CNIH3: variants seen among roughly 807,000 people sequenced by gnomAD.
CNIH3 encodes cornichon family AMPA receptor auxiliary protein 3, also known as protein cornichon homolog 3.
In CNIH3, 14 loss-of-function variants were observed where a neutral mutation model predicts 24.1. The ratio of observed to expected loss-of-function variants is 0.58; its 90% CI spans 0.38 to 0.91. The LOEUF is 0.91. CNIH3 is among the 40% of genes least tolerant of loss of function. The pLI, the probability that CNIH3 is intolerant of heterozygous loss-of-function variation, is 0.00. For missense variants in CNIH3, 178 were observed against 196.8 expected, an observed-to-expected ratio of 0.90 and a Z score of 0.57; for synonymous variants, 68 against 73.8, an observed-to-expected ratio of 0.92 and a Z score of 0.40.
intron 3 of CNIH3, among the ~76,000 whole-genome samples, chr1:224,709,093 A>G (rs992133569): frequency 1.3e-5 from 2 of 152,084 alleles, no homozygotes; most frequent in Non-Finnish European, 2.9e-5. Context: ...CGTGACCACC[A>G]CGCGCGTCTG....
intron 3 of CNIH3, chr1:224,546,978 C>T: frequency 2.3e-6 from 2 of 880,568 alleles, no homozygotes; most frequent in South Asian, 5.3e-5. Context: ...TGAATTAGGA[C>T]TTTTGAAGTA....
At chr1:224,489,842 T>C (rs932110370) in intron 1 of CNIH3, among the ~76,000 whole-genome samples, 2 of 152,214 alleles carry the variant, frequency 1.3e-5, no homozygotes, top group Admixed American at 6.5e-5. Context: ...TTGTAGATGG[T>C]GTCTTCTTGC....
chr1:224,727,390 T>C (rs1000641196), intron 3 of CNIH3, among the ~76,000 whole-genome samples: 1 of 152,222 alleles, frequency 6.6e-6, no homozygotes, highest in Non-Finnish European at 1.5e-5. Flanking sequence ...CTTTCCTTAC[T>C]TGTGGCTTCA....
intron 3 of CNIH3, among the ~76,000 whole-genome samples, chr1:224,707,863 T>C (rs1274439900): frequency 1.3e-4 from 20 of 152,140 alleles, no homozygotes; most frequent in Admixed American, 1.3e-3. Context: ...CCTGCCCTCA[T>C]TGTTATCTTG....
intron 1 of CNIH3, among the ~76,000 whole-genome samples, chr1:224,468,940 T>C (rs1676257047): frequency 6.6e-6 from 1 of 152,140 alleles, no homozygotes; most frequent in Non-Finnish European, 1.5e-5. Flanking sequence ...AGTTTTTTGG[T>C]AGATGCTCTC....
chr1:224,519,928 A>G (rs972870300), intron 1 of CNIH3, among the ~76,000 whole-genome samples: 5 of 152,170 alleles, frequency 3.3e-5, no homozygotes, highest in Non-Finnish European at 1.5e-5. Context: ...CAATGTGGAT[A>G]GTGACTACTC....
Position 224,623,255 on chromosome 1 carries a change from A to G in CNIH3, c.81+6000A>G, listed in dbSNP as rs781205511. 3.8e-4 allele frequency among the ~76,000 whole-genome samples: 57 copies of G among 151,994 alleles called. 1 individual carries two copies. The highest frequency in any genetic ancestry group is 8.8e-5 in the Non-Finnish European group (6 of 67,984). On this transcript the variant is annotated intron_variant, in intron 1 of 5. Coordinates refer to ENST00000272133, the MANE Select transcript of CNIH3 (RefSeq NM_152495.2). ...TCTTCTCTCAATGCATCGCTCCTCT[A>G]GGATTTACTTCCTCCTCTGTGTCAT...
At chr1:224,658,110 C>T (rs1316987990) in intron 1 of CNIH3, among the ~76,000 whole-genome samples, 1 of 152,116 alleles carries the variant, frequency 6.6e-6, no homozygotes, top group Non-Finnish European at 1.5e-5. Context: ...TCTTGGAATT[C>T]AAGGGACCCT....
downstream of CNIH3, among the ~76,000 whole-genome samples, chr1:224,592,565 T>C (rs957430270): frequency 3.3e-5 from 5 of 152,212 alleles, no homozygotes; most frequent in African/African-American, 1.2e-4. Flanking sequence ...AGAGCAGGAA[T>C]ATATTTCACA....
rs547042100 is a variant in CNIH3, at chr1:224,563,449, ATTT to A, written n.451-2748_451-2746del. 7.6e-5 allele frequency among the ~76,000 whole-genome samples: 11 copies of A among 145,252 alleles called. No individual in the cohort carries two copies. The East Asian group carries it at 2.1e-3, about 27-fold the overall frequency. Reference sequence around the variant, plus strand: ...AAGAAGGACAATACTACATTGAAATATTTTAGACGGGGTGTGTGTGTGTGTGTG... The same window carrying A: ...AAGAAGGACAATACTACATTGAAATATAGACGGGGTGTGTGTGTGTGTGTG... On this transcript the variant is annotated intron_variant and non_coding_transcript_variant, in intron 3 of 5. Coordinates refer to the CNIH3 transcript ENST00000471578.
At chr1:224,708,994 T>C (rs763479410) in intron 3 of CNIH3, among the ~76,000 whole-genome samples, 11 of 152,164 alleles carry the variant, frequency 7.2e-5, no homozygotes, top group African/African-American at 2.7e-4. Flanking sequence ...GACCTGGAAA[T>C]AGTGGATTCG....
In CNIH3 at chr1:224,645,221, ACCACCTCC is replaced by A. The variant is rs1684545389; in HGVS notation, c.81+27971_81+27978del. Among the ~76,000 whole-genome samples, 6 of 151,938 alleles carry A rather than the reference ACCACCTCC, an allele frequency of 3.9e-5. No individual in the cohort carries two copies. The South Asian group carries it at 1.3e-3, about 32-fold the overall frequency. On this transcript the variant is annotated intron_variant, in intron 1 of 5. Coordinates refer to ENST00000272133, the MANE Select transcript of CNIH3 (RefSeq NM_152495.2). ...TGATCAGTTCTCTCTCTCTCCTCCC[ACCACCTCC>A]CCACTGCCCTGCTCTGCCCCCTCTC...
chr1:224,513,285 A>G (rs192611821), upstream of CNIH3, among the ~76,000 whole-genome samples: 135 of 139,450 alleles, frequency 9.7e-4, 2 homozygotes, highest in East Asian at 0.025. Context: ...AGTAGCTGGG[A>G]CTATAGGCAC....
At chr1:224,475,355 C>CA (rs35377680) in intron 1 of CNIH3, among the ~76,000 whole-genome samples, 24,543 of 127,580 alleles carry the variant, frequency 0.19, 2,761 homozygotes, top group Middle Eastern at 0.26. Flanking sequence ...GACTCCATCT[C>CA]AAAAAAAAAA....
chr1:224,631,202 A>AGGG (rs1683805672), intron 1 of CNIH3, among the ~76,000 whole-genome samples: 1 of 152,168 alleles, frequency 6.6e-6, no homozygotes, highest in Non-Finnish European at 1.5e-5. Flanking sequence ...GTGCATGCTC[A>AGGG]GGACATGGGG....
At chr1:224,538,288 C>G (rs1369398029), downstream of CNIH3, among the ~76,000 whole-genome samples, 3 of 152,044 alleles carry the variant, frequency 2.0e-5, no homozygotes, top group East Asian at 5.8e-4. Context: ...GTACCTTCAG[C>G]TTTACCAAGT....
In CNIH3 at chr1:224,619,374, A is replaced by G. The variant is rs187268053; in HGVS notation, c.81+2119A>G. Among the ~76,000 whole-genome samples, 78 of 152,254 alleles carry G rather than the reference A, an allele frequency of 5.1e-4. 1 individual carries two copies. Among genetic ancestry groups the G allele is most frequent in the Non-Finnish European group, 6.2e-4 (42 of 68,006 alleles). On this transcript the variant is annotated intron_variant, in intron 1 of 5. Transcript: ENST00000272133. ...GTGGCTGAAATGCAGTCAAATTCCA[A>G]CTCAGGTTTTATCCAGATTCCTCGT...
At chr1:224,441,079 G>A (rs2102945011) in intron 1 of CNIH3, among the ~76,000 whole-genome samples, 1 of 152,244 alleles carries the variant, frequency 6.6e-6, no homozygotes, top group East Asian at 1.9e-4. Context: ...GCCTCCCAAA[G>A]TGTTAGGATT....
At chr1:224,700,586 G>A (rs939883093) in intron 3 of CNIH3, among the ~76,000 whole-genome samples, 6 of 152,140 alleles carry the variant, frequency 3.9e-5, no homozygotes, top group Non-Finnish European at 8.8e-5. Flanking sequence ...AGAAAGAAAG[G>A]GCAAGACTTG....
Sources: gnomAD v4.1 joint callset for allele counts (sites outside exome capture counted in the v4.1 genomes callset) on GRCh38, gnomAD v4.1.1 for gene constraint, MANE v1.5 for transcripts, NCBI Gene and HGNC (gene_info 2026-07-23, HGNC 2026-07-21) for gene names.